Variants in ASTN2 observed in about 807,000 individuals in gnomAD.
The protein encoded by ASTN2 is astrotactin 2.
Under a neutral mutation model 139.8 loss-of-function variants are expected in ASTN2, and 54 were observed. That is an observed-to-expected ratio of 0.39 (90% CI 0.31 to 0.48). The LOEUF (loss-of-function observed/expected upper bound fraction) is 0.48. Ranked by LOEUF, ASTN2 falls within the 20% of genes least tolerant of loss-of-function variation. The probability of loss-of-function intolerance (pLI) is 0.95; values close to 1 mark genes in which losing one functional copy is unlikely to be tolerated. For missense variants in ASTN2, 1,565 were observed against 1,725.1 expected (o/e 0.91, Z 1.64); for synonymous variants, 756 against 719.5 (o/e 1.05, Z -0.81).
chr9:116,706,915 ATAAAGTGGCATTTAAGAACAAGAT>A (rs1828003207), intron 16 of ASTN2, among the ~76,000 whole-genome samples: 1 of 152,032 alleles, frequency 6.6e-6, no homozygotes, highest in Non-Finnish European at 1.5e-5. Flanking sequence ...AAGAACAAGA[ATAAAGTGGCATTTAAGAACAAGAT>A]TAAAGTGGCC....
chr9:116,855,839 T>A (rs534094904), intron 11 of ASTN2, among the ~76,000 whole-genome samples: 1 of 152,302 alleles, frequency 6.6e-6, no homozygotes, highest in African/African-American at 2.4e-5. Flanking sequence ...CTGTGAGGAT[T>A]TCCAGGGCCA....
At chr9:117,025,684 T>C (rs1485636179) in intron 6 of ASTN2, among the ~76,000 whole-genome samples, 1 of 152,158 alleles carries the variant, frequency 6.6e-6, no homozygotes, top group Non-Finnish European at 1.5e-5. Context: ...CCTTCAGAGA[T>C]CCGGCAAATT....
At chr9:117,184,858 T>C (rs1046070462) in intron 3 of ASTN2, among the ~76,000 whole-genome samples, 1 of 152,176 alleles carries the variant, frequency 6.6e-6, no homozygotes, top group South Asian at 2.1e-4. Flanking sequence ...GGAGGAGATA[T>C]GACTTTCCCA....
intron 19 of ASTN2, among the ~76,000 whole-genome samples, chr9:116,504,969 A>C (rs1017200983): frequency 6.6e-6 from 1 of 151,920 alleles, no homozygotes; most frequent in South Asian, 2.1e-4. Context: ...AAATTTACAA[A>C]TGAGTATATC....
At chr9:117,249,329 T>C (rs894567567) in intron 2 of ASTN2, among the ~76,000 whole-genome samples, 6 of 152,184 alleles carry the variant, frequency 3.9e-5, no homozygotes, top group Non-Finnish European at 5.9e-5. Flanking sequence ...TCCTTTCTGT[T>C]TAATCTCACA....
intron 1 of ASTN2, among the ~76,000 whole-genome samples, chr9:117,383,296 A>G (rs907631699): frequency 6.6e-6 from 1 of 152,316 alleles, no homozygotes; most frequent in African/African-American, 2.4e-5. Context: ...GTATCCATTT[A>G]TAGCAGGTCA....
intron 5 of ASTN2, among the ~76,000 whole-genome samples, chr9:117,075,167 G>A (rs932043373): frequency 6.6e-6 from 1 of 152,170 alleles, no homozygotes; most frequent in Non-Finnish European, 1.5e-5. Flanking sequence ...TTTTAATGGA[G>A]CCCCTTCTGG....
At chr9:117,051,238 G>A (rs1314281599) in intron 5 of ASTN2, among the ~76,000 whole-genome samples, 1 of 151,676 alleles carries the variant, frequency 6.6e-6, no homozygotes. Context: ...AAAAAAAAAT[G>A]ATGATGATAA....
chr9:117,211,665 G>A (rs368204777), intron 3 of ASTN2, among the ~76,000 whole-genome samples: 1 of 152,252 alleles, frequency 6.6e-6, no homozygotes. Context: ...ATAGCAGTGT[G>A]AGAACAGACT....
intron 3 of ASTN2, among the ~76,000 whole-genome samples, chr9:117,162,355 T>A (rs571988929): frequency 3.3e-5 from 5 of 152,078 alleles, no homozygotes; most frequent in African/African-American, 1.2e-4. Flanking sequence ...AGTGATCTGG[T>A]GTCCAGGTTT....
At chr9:116,478,084 G>A (rs1019672434) in intron 20 of ASTN2, among the ~76,000 whole-genome samples, 3 of 144,626 alleles carry the variant, frequency 2.1e-5, no homozygotes, top group African/African-American at 7.7e-5. Context: ...GGGAGAGGAA[G>A]CAGGGAAACA....
chr9:116,634,958 G>A (rs1404663397), intron 17 of ASTN2, among the ~76,000 whole-genome samples: 2 of 149,120 alleles, frequency 1.3e-5, no homozygotes, highest in Non-Finnish European at 3.0e-5. Flanking sequence ...AGTGGGGGAA[G>A]ACTAAGAAGA....
chr9:116,830,571 C>T (rs1301893624), intron 11 of ASTN2, among the ~76,000 whole-genome samples: 1 of 151,886 alleles, frequency 6.6e-6, no homozygotes, highest in African/African-American at 2.4e-5. Flanking sequence ...GCAGGTGGAT[C>T]ACTAGAGGCC....
At chr9:117,157,314 A>T (rs1240955659) in intron 3 of ASTN2, among the ~76,000 whole-genome samples, 1 of 152,000 alleles carries the variant, frequency 6.6e-6, no homozygotes, top group Non-Finnish European at 1.5e-5. Flanking sequence ...AGGAAAAAAG[A>T]CACATGGATC....
intron 16 of ASTN2, among the ~76,000 whole-genome samples, chr9:116,677,336 C>A (rs557535398): frequency 3.3e-5 from 5 of 152,222 alleles, no homozygotes; most frequent in Non-Finnish European, 7.4e-5. Context: ...CTGTTTTCTT[C>A]ATTAAAATCT....
intron 11 of ASTN2, among the ~76,000 whole-genome samples, chr9:116,854,965 T>A (rs1832701869): frequency 6.7e-6 from 1 of 148,160 alleles, no homozygotes; most frequent in Middle Eastern, 3.5e-3. Context: ...CTTCTCATTA[T>A]TCCCCCCCCA....
intron 16 of ASTN2, among the ~76,000 whole-genome samples, chr9:116,681,854 C>A (rs1247782161): frequency 1.3e-5 from 2 of 150,952 alleles, no homozygotes; most frequent in African/African-American, 4.9e-5. Context: ...CCCTTCCTTA[C>A]ACCTTATACA....
rs137953453 is a variant in ASTN2, at chr9:116,799,400, T to C, written c.2396+6232A>G. On this transcript the variant is annotated intron_variant, in intron 13 of 22. Coordinates refer to ENST00000313400, the MANE Select transcript of ASTN2 (RefSeq NM_001365068.1). Reference sequence around the variant, plus strand: ...ATGCACATCTGATAAGCAGACAAGATTGAAAAGTCCCTTTCTAATAAATCT... The same window carrying C: ...ATGCACATCTGATAAGCAGACAAGACTGAAAAGTCCCTTTCTAATAAATCT... Among the ~76,000 whole-genome samples the C allele has an allele frequency of 3.2e-3, 494 of 152,288 alleles. 3 individuals are homozygous for C. The highest frequency in any genetic ancestry group is 0.011 in the African/African-American group (467 of 41,566).
chr9:116,763,231 T>G (rs1300053193), intron 13 of ASTN2, among the ~76,000 whole-genome samples: 1 of 152,194 alleles, frequency 6.6e-6, no homozygotes, highest in Non-Finnish European at 1.5e-5. Context: ...ATGCAGTAGG[T>G]GCTGAATAGT....
Sources: gnomAD v4.1 joint callset for allele counts (sites outside exome capture counted in the v4.1 genomes callset) on GRCh38, gnomAD v4.1.1 for gene constraint, MANE v1.5 for transcripts, NCBI Gene and HGNC (gene_info 2026-07-23, HGNC 2026-07-21) for gene names.